GAL3ST2: variants seen among roughly 807,000 people sequenced by gnomAD.
GAL3ST2 encodes beta-galactose-3-O-sulfotransferase 2.
In GAL3ST2, 16 loss-of-function variants were observed where a neutral mutation model predicts 12.9. That is an observed-to-expected ratio of 1.24 (90% CI 0.84 to 1.88). GAL3ST2 has a LOEUF of 1.88. Among genes scored for constraint, GAL3ST2 ranks in the 40% most tolerant of loss-of-function variants. The pLI is 0.00. For synonymous variants in GAL3ST2, 302 were observed against 273.9 expected, an observed-to-expected ratio of 1.10 and a Z score of -1.01; for missense variants, 639 against 571.8, an observed-to-expected ratio of 1.12 and a Z score of -1.20.
At position 241,793,674 on chromosome 2, in the gene GAL3ST2, A is replaced by T. The variant is rs73106166; in HGVS notation, c.30-5391A>T. On this transcript the variant is annotated intron_variant, in intron 1 of 3. Coordinates refer to ENST00000192314, the MANE Select transcript of GAL3ST2 (RefSeq NM_022134.3). This position sits in a 1 kb window ranked among gnomAD's most constrained non-coding sequence, Gnocchi z 4.7. Reference sequence around the variant, plus strand: ...TGTATGCATATGTGTGTGTATGCACATATTGTGTATGTGTGTGTATATGTG... The same window carrying T: ...TGTATGCATATGTGTGTGTATGCACTTATTGTGTATGTGTGTGTATATGTG... 6.6e-6 allele frequency among the ~76,000 whole-genome samples: 1 copy of T among 151,156 alleles called. No individual in the cohort carries two copies. The highest frequency in any genetic ancestry group is 2.4e-5 in the African/African-American group (1 of 40,972).
chr2:241,782,098 C>G (rs554873034), intron 1 of GAL3ST2, among the ~76,000 whole-genome samples: 2 of 152,256 alleles, frequency 1.3e-5, no homozygotes, highest in African/African-American at 4.8e-5. Context: ...GCCTTTGTAA[C>G]TTTTATTTAG....
In GAL3ST2 at chr2:241,802,231, C is replaced by T. The variant is rs576106228; in HGVS notation, c.375+195C>T. Among the ~76,000 whole-genome samples, 180 of 152,296 alleles carry T rather than the reference C, an allele frequency of 1.2e-3. No individual in the cohort carries two copies. The highest frequency in any genetic ancestry group is 4.2e-3 in the African/African-American group (175 of 41,560). On this transcript the variant is annotated intron_variant, in intron 3 of 3. Transcript: ENST00000192314. The surrounding 1 kb of genome is among the most constrained non-coding windows in gnomAD (Gnocchi z 4.8). The stretch of plus-strand genomic sequence containing the variant: ...CCCCTCCAGGCGGCCAGTCGCCTGC[C>T]GTTGCTCTTGGAATGAGACCTGGGA...
At chr2:241,784,860 G>A (rs1225060273) in intron 1 of GAL3ST2, among the ~76,000 whole-genome samples, 1 of 152,220 alleles carries the variant, frequency 6.6e-6, no homozygotes, top group Non-Finnish European at 1.5e-5. Context: ...CAACTCTGGT[G>A]AAAATCAAAT....
chr2:241,783,543 A>C (rs918033646), intron 1 of GAL3ST2, among the ~76,000 whole-genome samples: 3 of 152,008 alleles, frequency 2.0e-5, no homozygotes, highest in African/African-American at 7.2e-5. Flanking sequence ...TTTAGCAAGA[A>C]TGTTTTCCTT....
chr2:241,796,758 G>T (rs952892164), intron 1 of GAL3ST2, among the ~76,000 whole-genome samples: 1 of 152,156 alleles, frequency 6.6e-6, no homozygotes. Context: ...CTGAGCGCCC[G>T]GGGTAGATGG....
intron 1 of GAL3ST2, among the ~76,000 whole-genome samples, chr2:241,794,727 C>T (rs1305072533): frequency 3.3e-5 from 5 of 152,180 alleles, no homozygotes; most frequent in African/African-American, 7.2e-5. Flanking sequence ...GCAGTCCCCA[C>T]GGTTGTGAGT....
intron 1 of GAL3ST2, among the ~76,000 whole-genome samples, chr2:241,783,526 C>T (rs1699590125): frequency 6.6e-6 from 1 of 150,944 alleles, no homozygotes; most frequent in Non-Finnish European, 1.5e-5. Flanking sequence ...AAAAGGATAC[C>T]ATTTTTTTTA....
rs1699839324 is a variant in GAL3ST2, at chr2:241,801,194, T to A, written c.120-587T>A. On this transcript the variant is annotated intron_variant, in intron 2 of 3. Transcript: ENST00000192314. This position sits in a 1 kb window ranked among gnomAD's most constrained non-coding sequence, Gnocchi z 4.4. ...GTTCTCATTGTTCAAGTCCCACTTA[T>A]GAGTGAGAACATGCGGTGTTTGGTT... is the stretch of plus-strand genomic sequence containing the variant. The A allele has an allele frequency of 6.5e-6, 1 of 153,290 alleles. No homozygotes were observed. Among genetic ancestry groups the A allele is most frequent in the Non-Finnish European group, 1.5e-5 (1 of 68,884 alleles). The allele number at this position is 153,290 out of a possible 1,614,324, so 9.5% of individuals were successfully genotyped here.
Position 241,799,165 on chromosome 2 carries a change from C to T in GAL3ST2, c.119+11C>T, listed in dbSNP as rs536647115. 2.1e-5 allele frequency: 34 copies of T among 1,611,394 alleles called. No individual in the cohort carries two copies. In the South Asian group the frequency reaches 2.7e-4, roughly 13 times the overall value. On this transcript the variant is annotated intron_variant, in intron 2 of 3. Coordinates refer to ENST00000192314, the MANE Select transcript of GAL3ST2 (RefSeq NM_022134.3). The stretch of plus-strand genomic sequence containing the variant: ...AGAGCTGGACACACCGTAAGTCCTG[C>T]CCCCACCATAAGTCCTGCCCCGGGT...
chr2:241,789,758 G>T (rs1277109375), intron 1 of GAL3ST2, among the ~76,000 whole-genome samples: 1 of 152,130 alleles, frequency 6.6e-6, no homozygotes, highest in Admixed American at 6.5e-5. Flanking sequence ...TACCTGGGAG[G>T]CTGAGGCAGG....
intron 1 of GAL3ST2, among the ~76,000 whole-genome samples, chr2:241,779,478 C>T (rs551684906): frequency 2.7e-5 from 4 of 150,896 alleles, no homozygotes; most frequent in East Asian, 2.0e-4. Context: ...CGTGATCCGC[C>T]GGCCTTGGCC....
rs1699891870 is a variant in GAL3ST2, at chr2:241,803,773, C to T, written c.804C>T (p.Thr268=). ...CCGTGGCCCGCCTGTCGCCCGAGAC[C>T]CGGGAGCGCGCGCGGAGCTGGTGCG... The part of the protein sequence containing the change: ...ARSVARLSPE[T]RERARSWCAL... The change falls in exon 4 of 4, where the codon ACC becomes ACT. Residue 268 remains threonine (T), a synonymous_variant. Transcript: ENST00000192314. 6.6e-7 allele frequency: 1 copy of T among 1,508,330 alleles called. No homozygotes were observed. Among genetic ancestry groups the T allele is most frequent in the Non-Finnish European group, 8.8e-7 (1 of 1,134,700 alleles). 93.4% of individuals were successfully genotyped at this position (1,508,330 alleles called of 1,614,324 possible).
chr2:241,783,132 C>T (rs1462150739), intron 1 of GAL3ST2, among the ~76,000 whole-genome samples: 1 of 151,572 alleles, frequency 6.6e-6, no homozygotes, highest in African/African-American at 2.4e-5. Flanking sequence ...AAGTGAAACT[C>T]CATCTCCAAA....
At chr2:241,778,823 G>A (rs981877979) in intron 1 of GAL3ST2, among the ~76,000 whole-genome samples, 5 of 152,152 alleles carry the variant, frequency 3.3e-5, no homozygotes, top group African/African-American at 1.2e-4. Context: ...TCGAAGCAAA[G>A]GCAGGAAGAC....
intron 1 of GAL3ST2, among the ~76,000 whole-genome samples, chr2:241,780,980 A>C (rs1235838863): frequency 6.6e-6 from 1 of 152,262 alleles, no homozygotes; most frequent in Non-Finnish European, 1.5e-5. Context: ...TCACCGTTCC[A>C]GTCAGTCTTG....
Position 241,793,754 on chromosome 2 carries a change from A to G in GAL3ST2, c.30-5311A>G. 6.6e-6 allele frequency among the ~76,000 whole-genome samples: 1 copy of G among 150,750 alleles called. No homozygotes were observed. The highest frequency in any genetic ancestry group is 2.4e-5 in the African/African-American group (1 of 40,956). ...TGTGTGTATATGTATGTGTGTGTGTATTGTGTATGTGTAGTGTGTATTATT... is the reference window on the plus strand; with the variant it reads ...TGTGTGTATATGTATGTGTGTGTGTGTTGTGTATGTGTAGTGTGTATTATT... On this transcript the variant is annotated intron_variant, in intron 1 of 3. Transcript: ENST00000192314. The surrounding 1 kb of genome is among the most constrained non-coding windows in gnomAD (Gnocchi z 4.7).
chr2:241,802,003 C>A lies in GAL3ST2; in HGVS notation c.342C>A (p.Ile114=). 2 of 1,612,478 alleles carry A rather than the reference C, an allele frequency of 1.2e-6. No homozygotes were observed. The highest frequency in any genetic ancestry group is 8.5e-7 in the Non-Finnish European group (1 of 1,179,724). ...EGVGSQQRFN[I]MCNHLRFNLP... is the part of the protein sequence containing the mutation. ...TGGGGTCGCAGCAGCGCTTCAACAT[C>A]ATGTGCAACCACCTGAGGTTCAACC... Residue 114 remains isoleucine (I), a synonymous_variant, in exon 3 of 4, where the codon ATC becomes ATA. Coordinates refer to ENST00000192314, the MANE Select transcript of GAL3ST2 (RefSeq NM_022134.3). The surrounding 1 kb of genome is among the most constrained non-coding windows in gnomAD (Gnocchi z 4.8).
intron 1 of GAL3ST2, among the ~76,000 whole-genome samples, chr2:241,784,226 C>T (rs1244551073): frequency 6.6e-6 from 1 of 152,022 alleles, no homozygotes; most frequent in Non-Finnish European, 1.5e-5. Flanking sequence ...TTAGAAACGG[C>T]ATTTCACCGT....
Position 241,802,020 on chromosome 2 carries a change from G to A in GAL3ST2, c.359G>A (p.Arg120Lys). 1 of 1,611,600 alleles carries A rather than the reference G, an allele frequency of 6.2e-7. No homozygotes were observed. Among genetic ancestry groups the A allele is most frequent in the Non-Finnish European group, 8.5e-7 (1 of 1,179,364 alleles). Reference protein sequence around the residue: ...QRFNIMCNHLRFNLPQVQKVM... With the variant: ...QRFNIMCNHLKFNLPQVQKVM... The stretch of plus-strand genomic sequence containing the variant: ...TTCAACATCATGTGCAACCACCTGA[G>A]GTTCAACCTGCCTCAGGTACCGCGG... The change falls in exon 3 of 4, where the codon AGG becomes AAG. Residue 120 changes from arginine (R) to lysine (K), a missense_variant. Physicochemically the swap from Arg to Lys is conservative, Grantham distance 26 (BLOSUM62 2). Transcript: ENST00000192314. This position sits in a 1 kb window ranked among gnomAD's most constrained non-coding sequence, Gnocchi z 4.8.
Sources: allele counts gnomAD v4.1 joint callset (sites outside exome capture counted in the v4.1 genomes callset), GRCh38; gene constraint gnomAD v4.1.1; non-coding constraint Gnocchi (gnomAD v3.1); transcripts MANE v1.5; gene names NCBI Gene and HGNC (gene_info 2026-07-23, HGNC 2026-07-21).